The following ATG7 variants were observed in gnomAD, a reference collection of about 807,000 sequenced individuals.
ATG7 encodes the protein ubiquitin-like modifier-activating enzyme ATG7.
Under a neutral mutation model 82.4 loss-of-function variants are expected in ATG7, and 70 were observed. The observed-to-expected ratio is 0.85, with a 90% CI of 0.70 to 1.04. ATG7 has a LOEUF of 1.04. Ranked by LOEUF, ATG7 falls within the 50% of genes least tolerant of loss-of-function variation. The probability of loss-of-function intolerance (pLI) is 0.00; values close to 1 mark genes in which losing one functional copy is unlikely to be tolerated. For synonymous variants in ATG7, 287 were observed against 313.0 expected (o/e 0.92, Z 0.88); for missense variants, 792 against 864.3 (o/e 0.92, Z 1.05).
intron 19 of ATG7, among the ~76,000 whole-genome samples, chr3:11,407,297 T>C (rs1413367514): frequency 2.0e-5 from 3 of 152,170 alleles, no homozygotes; most frequent in Non-Finnish European, 4.4e-5. Context: ...ATGCAAGAGG[T>C]GGGAAGGCAT....
intron 20 of ATG7, among the ~76,000 whole-genome samples, chr3:11,437,089 A>G (rs1442714368): frequency 1.3e-5 from 2 of 152,236 alleles, no homozygotes; most frequent in Non-Finnish European, 2.9e-5. Flanking sequence ...TTTAAAAAGC[A>G]AGACAAAAAG....
At chr3:11,302,254 A>G (rs1297889193) in intron 5 of ATG7, among the ~76,000 whole-genome samples, 1 of 152,214 alleles carries the variant, frequency 6.6e-6, no homozygotes, top group East Asian at 1.9e-4. Context: ...CTCATCTTTA[A>G]AATGGGTTCT....
At chr3:11,464,776 C>T in intron 20 of ATG7, among the ~76,000 whole-genome samples, 1 of 152,136 alleles carries the variant, frequency 6.6e-6, no homozygotes, top group East Asian at 1.9e-4. Flanking sequence ...AGTCTGACCC[C>T]CTATTTTCAA....
the ATG7 span, among the ~76,000 whole-genome samples, chr3:11,574,393 G>A: frequency 6.6e-6 from 1 of 152,200 alleles, no homozygotes; most frequent in African/African-American, 2.4e-5. Flanking sequence ...CACTGCACGA[G>A]CACCGCACAA....
chr3:11,489,951 C>T (rs2090172354), intron 20 of ATG7, among the ~76,000 whole-genome samples: 1 of 151,870 alleles, frequency 6.6e-6, no homozygotes, highest in Admixed American at 6.6e-5. Context: ...AATGTATATT[C>T]TATTGATTTG....
intron 20 of ATG7, among the ~76,000 whole-genome samples, chr3:11,505,228 C>G (rs1402186024): frequency 2.0e-5 from 3 of 152,108 alleles, no homozygotes; most frequent in Admixed American, 2.0e-4. Flanking sequence ...AATGGGCAGA[C>G]TGGGTTTTTA....
chr3:11,491,666 C>G (rs1362609524), intron 20 of ATG7, among the ~76,000 whole-genome samples: 3 of 152,148 alleles, frequency 2.0e-5, no homozygotes, highest in Admixed American at 2.0e-4. Flanking sequence ...GATGTCCTTT[C>G]TGTTTGTTAG....
At chr3:11,359,781 C>T (rs981011649) in intron 15 of ATG7, among the ~76,000 whole-genome samples, 6 of 151,664 alleles carry the variant, frequency 4.0e-5, no homozygotes, top group Non-Finnish European at 7.4e-5. Context: ...ATTCCAGCTA[C>T]TGGGATACCA....
intron 20 of ATG7, among the ~76,000 whole-genome samples, chr3:11,546,958 G>A (rs886876917): frequency 6.6e-6 from 1 of 152,246 alleles, no homozygotes; most frequent in Non-Finnish European, 1.5e-5. Flanking sequence ...TTCTGAACTG[G>A]GTCATACCAA....
chr3:11,477,864 T>G (rs2088440749), intron 20 of ATG7, among the ~76,000 whole-genome samples: 1 of 152,178 alleles, frequency 6.6e-6, no homozygotes, highest in Non-Finnish European at 1.5e-5. Context: ...TCTTACAGCT[T>G]ATTTCTCCCT....
At chr3:11,528,885 G>A (rs2092639940) in intron 20 of ATG7, among the ~76,000 whole-genome samples, 2 of 151,604 alleles carry the variant, frequency 1.3e-5, no homozygotes, top group African/African-American at 4.9e-5. Flanking sequence ...ACAATTCAGG[G>A]ACACAGCAGA....
chr3:11,415,168 A>G (rs1559571912), intron 19 of ATG7, among the ~76,000 whole-genome samples: 1 of 152,244 alleles, frequency 6.6e-6, no homozygotes, highest in African/African-American at 2.4e-5. Flanking sequence ...GTGTATCTCA[A>G]TGTATCTCAA....
At chr3:11,374,509 C>G (rs78619498) in intron 18 of ATG7, among the ~76,000 whole-genome samples, 44 of 152,226 alleles carry the variant, frequency 2.9e-4, no homozygotes, top group African/African-American at 1.0e-3. Context: ...TCTTTATGAA[C>G]TTGGATTAGA....
At chr3:11,573,038 C>T in the ATG7 span, among the ~76,000 whole-genome samples, 8 of 151,490 alleles carry the variant, frequency 5.3e-5, no homozygotes, top group East Asian at 5.8e-4. Flanking sequence ...TGGTGGTGGG[C>T]GCCTGTAATC....
At chr3:11,426,650 G>A (rs920499787) in intron 19 of ATG7, among the ~76,000 whole-genome samples, 154 bp from the exon 20 acceptor site, 3 of 152,072 alleles carry the variant, frequency 2.0e-5, no homozygotes, top group South Asian at 2.1e-4. Flanking sequence ...ATACTAAGCC[G>A]TACTAGTTTT....
chr3:11,550,185 A>G (rs2071644114), intron 20 of ATG7, among the ~76,000 whole-genome samples: 1 of 152,154 alleles, frequency 6.6e-6, no homozygotes, highest in South Asian at 2.1e-4. Flanking sequence ...GTATCCTTCC[A>G]AGATCAGAAA....
chr3:11,400,418 G>T (rs2079724212), intron 19 of ATG7, among the ~76,000 whole-genome samples: 1 of 152,262 alleles, frequency 6.6e-6, no homozygotes, highest in Middle Eastern at 3.4e-3. Context: ...AAAATAAATA[G>T]GGACTGTGGC....
intron 18 of ATG7, among the ~76,000 whole-genome samples, chr3:11,374,919 A>G (rs1037337504): frequency 4.2e-5 from 5 of 120,018 alleles, no homozygotes; most frequent in African/African-American, 1.5e-4. Flanking sequence ...AAAAAAAAAA[A>G]AAGTCTGGGC....
chr3:11,499,496 A>G (rs1409965890), intron 20 of ATG7, among the ~76,000 whole-genome samples: 3 of 152,174 alleles, frequency 2.0e-5, no homozygotes, highest in African/African-American at 7.2e-5. Flanking sequence ...CTGCAATCCC[A>G]GCACTTTGGG....
Sources: gnomAD v4.1 joint callset for allele counts (sites outside exome capture counted in the v4.1 genomes callset) on GRCh38, gnomAD v4.1.1 for gene constraint, MANE v1.5 for transcripts, NCBI Gene and HGNC (gene_info 2026-07-23, HGNC 2026-07-21) for gene names.